The following STRBP variants were observed in gnomAD, a reference collection of about 807,000 sequenced individuals.
STRBP encodes the protein spermatid perinuclear RNA binding protein, also known as spermatid perinuclear RNA-binding protein.
A neutral mutation model predicts 80.1 loss-of-function variants in STRBP; 13 were observed. The ratio of observed to expected loss-of-function variants is 0.16; its 90% CI spans 0.11 to 0.26. STRBP has a LOEUF of 0.26. Among genes scored for constraint, STRBP ranks in the 10% least tolerant of loss-of-function variants. STRBP has a pLI of 1.00. For missense variants in STRBP, 485 were observed against 815.2 expected (o/e 0.59, Z 4.93); for synonymous variants, 284 against 291.2 (o/e 0.98, Z 0.25).
chr9:123,178,121 A>G (rs932771325), intron 4 of STRBP, among the ~76,000 whole-genome samples: 1 of 152,238 alleles, frequency 6.6e-6, no homozygotes, highest in African/African-American at 2.4e-5. Flanking sequence ...TGATCTGAAG[A>G]TAAAAAAAGT....
chr9:123,159,099 G>C lies in STRBP; in HGVS notation c.832C>G (p.Pro278Ala). ...TTCCAGAGTTTGAAACCCTTACCAG[G>C]AAGTAGTATTCCAGATGCCAAACAC... ...MECLASGILL[P>A]GGPGLHDPCE... The change falls in exon 9 of 19, where the codon CCT (proline) becomes GCT (alanine). Residue 278 changes from proline (P) to alanine (A), a missense_variant. By Grantham distance (27) the Pro-to-Ala change is conservative. This residue lies in a region of STRBP where 377 missense variants were observed against 616.1 expected (regional missense o/e 0.61). Transcript: ENST00000348403. The C allele has an allele frequency of 6.2e-7, 1 of 1,612,054 alleles. No individual in the cohort carries two copies. Among genetic ancestry groups the C allele is most frequent in the South Asian group, 1.1e-5 (1 of 90,966 alleles).
intron 2 of STRBP, among the ~76,000 whole-genome samples, chr9:123,210,631 A>C (rs977748452): frequency 3.3e-5 from 5 of 152,154 alleles, no homozygotes; most frequent in African/African-American, 1.2e-4. Context: ...GTTCAAGACC[A>C]GCCTGACCAA....
At chr9:123,127,094 G>GA (rs2035926106) in intron 18 of STRBP, among the ~76,000 whole-genome samples, 1 of 152,180 alleles carries the variant, frequency 6.6e-6, no homozygotes, top group Non-Finnish European at 1.5e-5. Flanking sequence ...AATTTGCTCC[G>GA]AAAGTGTGAC....
chr9:123,171,281 T>C (rs538225098), intron 5 of STRBP, among the ~76,000 whole-genome samples: 3 of 152,306 alleles, frequency 2.0e-5, no homozygotes, highest in East Asian at 3.9e-4. Context: ...TCCTCCTCCT[T>C]TGCTCAAAGA....
chr9:123,169,754 T>G (rs2037927650), intron 6 of STRBP, 148 bp downstream of exon 6: 1 of 417,672 alleles, frequency 2.4e-6, no homozygotes. Context: ...ACAAAGCCAT[T>G]TAAAATACTA....
At chr9:123,132,722 G>T in intron 17 of STRBP, 123 bp downstream of exon 17, 1 of 1,326,278 alleles carries the variant, frequency 7.5e-7, no homozygotes, top group Non-Finnish European at 1.0e-6. Context: ...TTAAATTTCT[G>T]TGTACATTCA....
chr9:123,111,106 A>G (rs931948193), intron 3 of STRBP: 1 of 167,234 alleles, frequency 6.0e-6, no homozygotes, highest in Non-Finnish European at 1.5e-5. Context: ...AACCTCATGC[A>G]CCAGCTGCCA....
At position 123,173,688 on chromosome 9, in the gene STRBP, T is replaced by C. The variant is rs1439769179; in HGVS notation, c.379A>G (p.Ile127Val). The change falls in exon 5 of 19, where the codon ATT becomes GTT. Residue 127 changes from isoleucine (I) to valine (V), a missense_variant. Physicochemically the swap from Ile to Val is conservative, Grantham distance 29. Around this residue, in one of 3 missense-constraint regions of STRBP, gnomAD observed 377 missense variants for 616.1 expected, o/e 0.61. Coordinates refer to ENST00000348403, the MANE Select transcript of STRBP (RefSeq NM_018387.5). ...TAAACTGTACTCACCTGAATCTGAA[T>C]AGGAAGATTATCTTTGACTGTATTT... ...LLNTVKDNLP[I>V]QIQKLTEEKY... 1.2e-6 allele frequency: 2 copies of C among 1,611,782 alleles called. No individual in the cohort carries two copies. Among genetic ancestry groups the C allele is most frequent in the East Asian group, 2.2e-5 (1 of 44,872 alleles).
At chr9:123,231,054 T>C (rs768877873) in intron 2 of STRBP, among the ~76,000 whole-genome samples, 9 of 152,202 alleles carry the variant, frequency 5.9e-5, no homozygotes, top group Non-Finnish European at 1.3e-4. Context: ...CTGTGTATTA[T>C]AAGAAAATGC....
In STRBP at chr9:123,115,529, A is replaced by C. The variant is rs1420667637; in HGVS notation, c.*84+400T>G. 2.7e-6 allele frequency: 1 copy of C among 371,300 alleles called. No individual in the cohort carries two copies. Among genetic ancestry groups the C allele is most frequent in the Non-Finnish European group, 5.5e-6 (1 of 181,258 alleles). The allele number at this position is 371,300 out of a possible 1,614,324, so 23.0% of individuals were successfully genotyped here. On this transcript the variant is annotated intron_variant and NMD_transcript_variant, in intron 3 of 3. Transcript: ENST00000471564. This position sits in a 1 kb window ranked among gnomAD's most constrained non-coding sequence, Gnocchi z 5.0. ...ATCTGGGTCAATGATTTCACCTTCTACTCAGTTGTCTAAGCTGCAGATTCT... is the reference window on the plus strand; with the variant it reads ...ATCTGGGTCAATGATTTCACCTTCTCCTCAGTTGTCTAAGCTGCAGATTCT...
At chr9:123,128,767 G>C (rs2036003564) in intron 17 of STRBP, among the ~76,000 whole-genome samples, 1 of 152,176 alleles carries the variant, frequency 6.6e-6, no homozygotes, top group Non-Finnish European at 1.5e-5. Context: ...AGCAGGCTGA[G>C]GTCTCAATGG....
chr9:123,212,198 G>T (rs113153368), intron 2 of STRBP, among the ~76,000 whole-genome samples: 1 of 152,106 alleles, frequency 6.6e-6, no homozygotes, highest in Non-Finnish European at 1.5e-5. Flanking sequence ...TCAGGGGAAG[G>T]TAAGACTATA....
At chr9:123,258,354 TGGA>T (rs1049434172) in intron 1 of STRBP, among the ~76,000 whole-genome samples, 1 of 152,090 alleles carries the variant, frequency 6.6e-6, no homozygotes, top group Admixed American at 6.6e-5. Flanking sequence ...GAACCAGAAA[TGGA>T]GGAGCTGCCA....
In STRBP at chr9:123,123,719, T is replaced by A. The variant is rs2035802287; in HGVS notation, c.*1878A>T. ...CGTGGAATCCAAATTTGATGACCAATTTCAAATAACAATACAGCCGCAGCT... is the reference window on the plus strand; with the variant it reads ...CGTGGAATCCAAATTTGATGACCAAATTCAAATAACAATACAGCCGCAGCT... On this transcript the variant is annotated 3_prime_UTR_variant, in exon 19 of 19. Coordinates refer to ENST00000348403, the MANE Select transcript of STRBP (RefSeq NM_018387.5). 1.9e-5 allele frequency: 19 copies of A among 985,212 alleles called. No homozygotes were observed. The highest frequency in any genetic ancestry group is 2.2e-5 in the Non-Finnish European group (18 of 829,928). 61.0% of individuals were successfully genotyped at this position (985,212 alleles called of 1,614,324 possible). A position where few individuals can be genotyped will look rare whatever the true frequency, so the allele number is the denominator to read the frequency against.
chr9:123,200,954 T>A (rs1046358398), intron 2 of STRBP, among the ~76,000 whole-genome samples: 32 of 151,992 alleles, frequency 2.1e-4, no homozygotes, highest in African/African-American at 7.2e-4. Context: ...CTTCCTGATT[T>A]AATCTAGGAA....
At chr9:123,127,094 G>A (rs2035925797) in intron 18 of STRBP, among the ~76,000 whole-genome samples, 3 of 152,180 alleles carry the variant, frequency 2.0e-5, no homozygotes, top group Admixed American at 2.0e-4. Flanking sequence ...AATTTGCTCC[G>A]AAAGTGTGAC....
At chr9:123,182,666 A>C (rs1013489996) in intron 3 of STRBP, among the ~76,000 whole-genome samples, 1 of 152,188 alleles carries the variant, frequency 6.6e-6, no homozygotes, top group African/African-American at 2.4e-5. Flanking sequence ...TCAGCTGATT[A>C]AGTTATAATC....
chr9:123,243,243 G>C (rs1384242031), intron 1 of STRBP, among the ~76,000 whole-genome samples: 4 of 119,182 alleles, frequency 3.4e-5, no homozygotes, highest in African/African-American at 6.8e-5. Context: ...AATGCAGCTA[G>C]AGGAATTAGA....
At chr9:123,150,706 G>A (rs2132363982) in intron 11 of STRBP, among the ~76,000 whole-genome samples, 1 of 152,296 alleles carries the variant, frequency 6.6e-6, no homozygotes, top group Non-Finnish European at 1.5e-5. Context: ...ACTAAGAACT[G>A]AAGAGAGTAA....
Sources: allele counts gnomAD v4.1 joint callset (sites outside exome capture counted in the v4.1 genomes callset), GRCh38; gene constraint gnomAD v4.1.1; regional missense constraint gnomAD v4.1.1; non-coding constraint Gnocchi (gnomAD v3.1); transcripts MANE v1.5; gene names NCBI Gene and HGNC (gene_info 2026-07-23, HGNC 2026-07-21).